PTPRT: variants seen among roughly 807,000 people sequenced by gnomAD.
PTPRT encodes the protein protein tyrosine phosphatase receptor type T, also known as receptor-type tyrosine-protein phosphatase T.
In PTPRT, 56 loss-of-function variants were observed where a neutral mutation model predicts 176.8. The ratio of observed to expected loss-of-function variants is 0.32; its 90% CI spans 0.26 to 0.40. PTPRT has a LOEUF of 0.40. PTPRT is among the 10% of genes least tolerant of loss of function. The pLI, the probability that PTPRT is intolerant of heterozygous loss-of-function variation, is 1.00. For missense variants in PTPRT, 1,540 were observed against 1,908.2 expected (o/e 0.81, Z 3.60); for synonymous variants, 783 against 739.0 (o/e 1.06, Z -0.96).
At chr20:42,428,217 G>A (rs1034813839) in intron 9 of PTPRT, among the ~76,000 whole-genome samples, 6 of 152,218 alleles carry the variant, frequency 3.9e-5, no homozygotes, top group African/African-American at 1.2e-4. Context: ...GGGTTCCATA[G>A]ATTACAGTTG....
intron 2 of PTPRT, among the ~76,000 whole-genome samples, chr20:42,884,532 A>C (rs1374374424): frequency 6.6e-6 from 1 of 152,164 alleles, no homozygotes; most frequent in Non-Finnish European, 1.5e-5. Context: ...GTGTAGGTGT[A>C]AAATTCCTGA....
chr20:42,106,168 T>C (rs935345696), intron 24 of PTPRT, among the ~76,000 whole-genome samples: 1 of 152,134 alleles, frequency 6.6e-6, no homozygotes, highest in Non-Finnish European at 1.5e-5. Flanking sequence ...GTAGAAACAA[T>C]ACCGTGACTA....
At chr20:42,093,422 G>A (rs1182191834) in intron 27 of PTPRT, among the ~76,000 whole-genome samples, 1 of 151,428 alleles carries the variant, frequency 6.6e-6, no homozygotes, top group African/African-American at 2.4e-5. Context: ...TTTATTTTGA[G>A]CCCTCATTGA....
At chr20:42,808,566 G>A (rs1383525124) in intron 2 of PTPRT, among the ~76,000 whole-genome samples, 3 of 152,148 alleles carry the variant, frequency 2.0e-5, no homozygotes, top group African/African-American at 7.2e-5. Context: ...CTAAGGAGCT[G>A]ACCATGCACC....
intron 7 of PTPRT, among the ~76,000 whole-genome samples, chr20:42,479,977 A>T (rs2071357234): frequency 6.6e-6 from 1 of 152,248 alleles, no homozygotes; most frequent in African/African-American, 2.4e-5. Flanking sequence ...GCTGATGATT[A>T]GAATCACCTG....
chr20:42,333,770 C>A (rs1399938082), intron 11 of PTPRT, among the ~76,000 whole-genome samples: 1 of 152,160 alleles, frequency 6.6e-6, no homozygotes, highest in African/African-American at 2.4e-5. Flanking sequence ...TCTCTGCCTC[C>A]TGCGTTCAAG....
intron 1 of PTPRT, among the ~76,000 whole-genome samples, chr20:43,166,245 T>G (rs1451447649): frequency 6.6e-6 from 1 of 151,800 alleles, no homozygotes; most frequent in Non-Finnish European, 1.5e-5. Flanking sequence ...GAGAATCACT[T>G]GAACCCAGGA....
chr20:42,826,031 A>G (rs903080300), intron 2 of PTPRT, among the ~76,000 whole-genome samples: 1 of 152,088 alleles, frequency 6.6e-6, no homozygotes, highest in Non-Finnish European at 1.5e-5. Context: ...ATGCGACCAG[A>G]TGCCAGTCCC....
chr20:42,274,579 G>GTGTA (rs2056995617), intron 13 of PTPRT, among the ~76,000 whole-genome samples: 2 of 129,286 alleles, frequency 1.5e-5, no homozygotes, highest in African/African-American at 2.8e-5. Context: ...GTGTGTGTGT[G>GTGTA]TGTGTGTGTG....
chr20:42,050,864 C>A, the PTPRT span, among the ~76,000 whole-genome samples: 3 of 152,180 alleles, frequency 2.0e-5, no homozygotes, highest in Non-Finnish European at 4.4e-5. Flanking sequence ...CTGGCTATTA[C>A]TGACATGTCA....
intron 16 of PTPRT, among the ~76,000 whole-genome samples, chr20:42,172,282 CA>C (rs780843548): frequency 6.6e-6 from 1 of 152,064 alleles, no homozygotes; most frequent in Non-Finnish European, 1.5e-5. Context: ...AAAAAAACAG[CA>C]AAAGCTGGCT....
Position 42,473,429 on chromosome 20 carries a change from T to C in PTPRT, c.1154-867A>G, listed in dbSNP as rs368115500. Among the ~76,000 whole-genome samples the C allele has an allele frequency of 2.9e-3, 439 of 152,308 alleles. 18 individuals carry two copies. In the South Asian group the frequency reaches 0.085, roughly 30 times the overall value. ...ATGATGTTTTTCAAAAATCCTCACA[T>C]GTAAAGCTCATTTTATGTTGAGGTT... On this transcript the variant is annotated intron_variant, in intron 7 of 30. Coordinates refer to ENST00000373187, the MANE Select transcript of PTPRT (RefSeq NM_007050.6).
At chr20:42,355,826 A>G (rs753593377) in intron 9 of PTPRT, among the ~76,000 whole-genome samples, 15 of 152,088 alleles carry the variant, frequency 9.9e-5, no homozygotes, top group Non-Finnish European at 1.6e-4. Flanking sequence ...CTCATGCCTT[A>G]TTTACTAGCC....
chr20:42,926,077 A>T (rs1979464759), intron 1 of PTPRT, among the ~76,000 whole-genome samples: 1 of 152,190 alleles, frequency 6.6e-6, no homozygotes, highest in Non-Finnish European at 1.5e-5. Flanking sequence ...GAAGTTGCCC[A>T]CTGACTCGGG....
chr20:42,322,184 C>T (rs532718280), intron 11 of PTPRT, among the ~76,000 whole-genome samples: 1 of 151,936 alleles, frequency 6.6e-6, no homozygotes, highest in East Asian at 1.9e-4. Flanking sequence ...GCCATACTGC[C>T]CAAGGTAATT....
At chr20:42,627,150 T>G (rs1339150791) in intron 7 of PTPRT, among the ~76,000 whole-genome samples, 9 of 151,916 alleles carry the variant, frequency 5.9e-5, no homozygotes, top group Non-Finnish European at 1.3e-4. Flanking sequence ...CGATTTTATT[T>G]TCTTCATGCT....
intron 7 of PTPRT, among the ~76,000 whole-genome samples, chr20:42,596,936 T>C (rs369267663): frequency 3.9e-5 from 6 of 152,330 alleles, no homozygotes; most frequent in Admixed American, 1.3e-4. Context: ...TGTTTTCTAC[T>C]GCTACATAAC....
intron 9 of PTPRT, among the ~76,000 whole-genome samples, chr20:42,387,839 T>G (rs1600936876): frequency 6.6e-6 from 1 of 150,992 alleles, no homozygotes; most frequent in African/African-American, 2.4e-5. Flanking sequence ...TCGCCCAGAC[T>G]GCAGTGCAAT....
At chr20:42,062,563 C>G in the PTPRT span, among the ~76,000 whole-genome samples, 5 of 152,220 alleles carry the variant, frequency 3.3e-5, no homozygotes, top group African/African-American at 1.2e-4. Flanking sequence ...CAACATCATG[C>G]ACATTTAATC....
Sources: allele counts gnomAD v4.1 joint callset (sites outside exome capture counted in the v4.1 genomes callset), GRCh38; gene constraint gnomAD v4.1.1; transcripts MANE v1.5; gene names NCBI Gene and HGNC (gene_info 2026-07-23, HGNC 2026-07-21).